The following BBS9 variants were observed in gnomAD, a reference collection of about 807,000 sequenced individuals.
The protein encoded by BBS9 is protein PTHB1.
BBS9 carries 89 observed loss-of-function variants against 117.7 expected under a neutral mutation model. The ratio of observed to expected loss-of-function variants is 0.76; its 90% CI spans 0.64 to 0.90. BBS9 has a LOEUF of 0.90. BBS9 is among the 40% of genes least tolerant of loss of function. BBS9 has a pLI of 0.00. For missense variants in BBS9, 982 were observed against 1,042.2 expected, an observed-to-expected ratio of 0.94 and a Z score of 0.80; for synonymous variants, 379 against 370.9, an observed-to-expected ratio of 1.02 and a Z score of -0.25.
At position 33,137,841 on chromosome 7, in the gene BBS9, C is replaced by T. The variant is rs751892863; in HGVS notation, c.-12+7800C>T. ...TTCGGACATTGGGGGAACAAACATA[C>T]AAGATGTTTATGTAATGGAATTTAT... On this transcript the variant is annotated intron_variant, in intron 1 of 22. Transcript: ENST00000242067. 4.4e-4 allele frequency among the ~76,000 whole-genome samples: 67 copies of T among 152,136 alleles called. 2 individuals carry two copies. Among genetic ancestry groups the T allele is most frequent in the Admixed American group, 2.0e-4 (3 of 15,280 alleles).
At chr7:33,507,598 A>G (rs543302167) in intron 20 of BBS9, among the ~76,000 whole-genome samples, 31 of 152,322 alleles carry the variant, frequency 2.0e-4, no homozygotes, top group African/African-American at 7.2e-4. Context: ...ACACTTAAGA[A>G]TGATAATATC....
chr7:33,578,714 G>T (rs976242735), intron 21 of BBS9, among the ~76,000 whole-genome samples: 3 of 152,114 alleles, frequency 2.0e-5, no homozygotes, highest in Admixed American at 6.6e-5. Flanking sequence ...CTTTTACGTT[G>T]CATTGCCTTT....
At chr7:33,349,575 C>T (rs1490932848) in intron 13 of BBS9, among the ~76,000 whole-genome samples, 1 of 152,058 alleles carries the variant, frequency 6.6e-6, no homozygotes, top group East Asian at 1.9e-4. Flanking sequence ...GCTGGGACTA[C>T]AGGAAAACAC....
At position 33,456,666 on chromosome 7, in the gene BBS9, C is replaced by T. The variant is rs113220189; in HGVS notation, c.2116-48797C>T. ...CCTAGATATGGGTAAATAAGTGTCT[C>T]TTTCAGATAGAATGGAAAGTTCAGG... On this transcript the variant is annotated intron_variant, in intron 19 of 22. Coordinates refer to ENST00000242067, the MANE Select transcript of BBS9 (RefSeq NM_198428.3). 3.9e-4 allele frequency among the ~76,000 whole-genome samples: 60 copies of T among 151,954 alleles called. 1 individual carries two copies. Among genetic ancestry groups the T allele is most frequent in the African/African-American group, 1.4e-3 (57 of 41,448 alleles).
chr7:33,442,265 C>T (rs545022977), intron 19 of BBS9, among the ~76,000 whole-genome samples: 8 of 152,244 alleles, frequency 5.3e-5, no homozygotes, highest in South Asian at 2.1e-4. Flanking sequence ...TTGGTCTAAA[C>T]GCCCTTGATA....
intron 5 of BBS9, among the ~76,000 whole-genome samples, chr7:33,213,164 C>G (rs1788354165): frequency 6.6e-6 from 1 of 152,204 alleles, no homozygotes; most frequent in African/African-American, 2.4e-5. Context: ...ATGTTCAATT[C>G]TACTGCGGCT....
chr7:33,309,130 A>G (rs908279501), intron 9 of BBS9, among the ~76,000 whole-genome samples: 2 of 152,204 alleles, frequency 1.3e-5, no homozygotes, highest in East Asian at 1.9e-4. Context: ...TCTTGATGAC[A>G]TTAGAATCAC....
intron 19 of BBS9, among the ~76,000 whole-genome samples, chr7:33,423,424 A>G (rs1833168104): frequency 1.3e-5 from 2 of 151,984 alleles, no homozygotes; most frequent in Non-Finnish European, 1.5e-5. Flanking sequence ...GTTTCTAGCT[A>G]TAAGGGGATG....
At chr7:33,527,349 C>T (rs899719470) in intron 20 of BBS9, among the ~76,000 whole-genome samples, 146 of 152,218 alleles carry the variant, frequency 9.6e-4, no homozygotes, top group African/African-American at 3.3e-3. Context: ...CCCCCAGCCT[C>T]GCTGCCGCCT....
rs1365756676 is a variant in BBS9, at chr7:33,605,307, T to A, written c.*81T>A. ...GTGAACCTCATGCCAAGCACAGATA[T>A]AGGGCTGGCGCAGGTGCTTCCTAAA... On this transcript the variant is annotated 3_prime_UTR_variant, in exon 23 of 23. Coordinates refer to ENST00000242067, the MANE Select transcript of BBS9 (RefSeq NM_198428.3). 2.1e-6 allele frequency: 3 copies of A among 1,446,224 alleles called. No homozygotes were observed. The highest frequency in any genetic ancestry group is 1.4e-5 in the African/African-American group (1 of 71,372). 89.6% of individuals were successfully genotyped at this position (1,446,224 alleles called of 1,614,324 possible).
At chr7:33,549,981 A>G (rs1379412130) in intron 21 of BBS9, among the ~76,000 whole-genome samples, 1 of 152,178 alleles carries the variant, frequency 6.6e-6, no homozygotes, top group Non-Finnish European at 1.5e-5. Context: ...AGGATGAAAA[A>G]GTTGATATTT....
chr7:33,448,667 A>G (rs1425990446), intron 19 of BBS9, among the ~76,000 whole-genome samples: 1 of 152,244 alleles, frequency 6.6e-6, no homozygotes, highest in Non-Finnish European at 1.5e-5. Context: ...CAAGCATTGA[A>G]TAGGATTGTT....
intron 5 of BBS9, among the ~76,000 whole-genome samples, chr7:33,221,466 A>G (rs923697012): frequency 2.6e-5 from 4 of 152,220 alleles, no homozygotes; most frequent in Admixed American, 1.3e-4. Flanking sequence ...CAGTATTAAA[A>G]TATCTATCTT....
At chr7:33,601,138 A>G (rs530995690) in intron 21 of BBS9, among the ~76,000 whole-genome samples, 4 of 152,248 alleles carry the variant, frequency 2.6e-5, no homozygotes, top group Admixed American at 2.6e-4. Flanking sequence ...TTATTTGAGG[A>G]TGGAGTGAGT....
intron 2 of BBS9, among the ~76,000 whole-genome samples, chr7:33,146,741 G>C (rs17169835): frequency 0.16 from 23,509 of 147,366 alleles, 2,040 homozygotes; most frequent in South Asian, 0.22. Context: ...ACTTGCTTTT[G>C]AAAATGTGTA....
intron 5 of BBS9, among the ~76,000 whole-genome samples, chr7:33,233,364 A>G (rs1221698938): frequency 1.3e-5 from 2 of 152,164 alleles, no homozygotes; most frequent in East Asian, 3.8e-4. Context: ...TTTATAAACT[A>G]CAAATAATCT....
chr7:33,406,430 T>A (rs1325788400), intron 19 of BBS9, among the ~76,000 whole-genome samples: 1 of 152,188 alleles, frequency 6.6e-6, no homozygotes. Flanking sequence ...TTTAGTCCAT[T>A]TACATTTAAA....
intron 21 of BBS9, among the ~76,000 whole-genome samples, chr7:33,613,908 A>G (rs1865004393): frequency 6.6e-6 from 1 of 152,104 alleles, no homozygotes; most frequent in Non-Finnish European, 1.5e-5. Context: ...CAGGCTTTGA[A>G]GACTTATGTC....
At chr7:33,301,033 G>A (rs1434877832) in intron 9 of BBS9, among the ~76,000 whole-genome samples, 2 of 151,950 alleles carry the variant, frequency 1.3e-5, no homozygotes, top group Admixed American at 6.6e-5. Context: ...TGAGAAGTTA[G>A]CTATATTATT....
Sources: gnomAD v4.1 joint callset for allele counts (sites outside exome capture counted in the v4.1 genomes callset) on GRCh38, gnomAD v4.1.1 for gene constraint, MANE v1.5 for transcripts, NCBI Gene and HGNC (gene_info 2026-07-23, HGNC 2026-07-21) for gene names.